POM121: variants seen among roughly 807,000 people sequenced by gnomAD.
POM121 encodes POM121 transmembrane nucleoporin.
In POM121, 32 loss-of-function variants were observed where a neutral mutation model predicts 81.3. The observed-to-expected ratio is 0.39, with a 90% confidence interval of 0.30 to 0.53. The LOEUF (loss-of-function observed/expected upper bound fraction) is 0.53. POM121 is among the 20% of genes least tolerant of loss of function. The pLI, the probability that POM121 is intolerant of heterozygous loss-of-function variation, is 0.66. For synonymous variants in POM121, 514 were observed against 694.2 expected (o/e 0.74, Z 4.08); for missense variants, 1,138 against 1,614.6 (o/e 0.70, Z 5.06).
At chr7:72,913,519 G>A (rs1794002625) in intron 3 of POM121, among the ~76,000 whole-genome samples, 1 of 152,210 alleles carries the variant, frequency 6.6e-6, no homozygotes. Context: ...GCAGGGATTG[G>A]CTGCCATTGT....
At chr7:72,909,779 C>G (rs1586112188) in intron 3 of POM121, among the ~76,000 whole-genome samples, 1 of 152,206 alleles carries the variant, frequency 6.6e-6, no homozygotes, top group East Asian at 1.9e-4. Context: ...TCCTGAGTAG[C>G]TGGGACCAGC....
At chr7:72,896,817 G>A (rs1473558838) in intron 3 of POM121, among the ~76,000 whole-genome samples, 6 of 152,206 alleles carry the variant, frequency 3.9e-5, no homozygotes, top group Admixed American at 3.9e-4. Context: ...AATATGTACT[G>A]ATCATTAACT....
intron 3 of POM121, among the ~76,000 whole-genome samples, chr7:72,902,159 C>G (rs1202924132): frequency 1.3e-5 from 2 of 151,716 alleles, no homozygotes; most frequent in African/African-American, 4.8e-5. Context: ...TTTCATCTAC[C>G]TGTCTTCATG....
chr7:72,898,301 C>G (rs1259616880), intron 3 of POM121, among the ~76,000 whole-genome samples: 2 of 152,022 alleles, frequency 1.3e-5, no homozygotes, highest in Non-Finnish European at 2.9e-5. Context: ...ACTAAGTTGC[C>G]CAGGCTGGTC....
intron 6 of POM121, 70 bp from the exon 7 acceptor site, chr7:72,939,266 G>C: frequency 6.4e-7 from 1 of 1,570,978 alleles, no homozygotes. Flanking sequence ...AGTTAGGAGG[G>C]TGTGAGAAAT....
chr7:72,912,727 C>T (rs1180515988), intron 3 of POM121, among the ~76,000 whole-genome samples: 3 of 152,044 alleles, frequency 2.0e-5, no homozygotes, highest in Non-Finnish European at 4.4e-5. Flanking sequence ...TGCAGTGAGC[C>T]GAGATCGCGC....
chr7:72,882,835 C>G (rs565066753), intron 1 of POM121, among the ~76,000 whole-genome samples: 1 of 152,304 alleles, frequency 6.6e-6, no homozygotes, highest in East Asian at 1.9e-4. Context: ...CTAAGTCAGT[C>G]AGTAAAGGTG....
rs1554502473 is a variant in POM121, at chr7:72,943,458, C to T, written c.3465C>T (p.Thr1155=). Residue 1155 remains threonine, a synonymous_variant, in exon 11 of 13, where the codon ACC becomes ACT. Coordinates refer to ENST00000434423, the MANE Select transcript of POM121 (RefSeq NM_001387691.1). ...TAGGTCAGAACGCCCTGGGCACCAC[C>T]GGCCAGAGCACACCGTTTGCCTTCA... ...GGLGQNALGT[T]GQSTPFAFNV... is the part of the protein sequence containing the mutation. 33 of 1,612,886 alleles carry T rather than the reference C, an allele frequency of 2.0e-5. No homozygotes were observed. Among genetic ancestry groups the T allele is most frequent in the South Asian group, 5.5e-5 (5 of 90,978 alleles).
intron 3 of POM121, among the ~76,000 whole-genome samples, chr7:72,927,745 A>C (rs1795607332): frequency 6.6e-6 from 1 of 152,088 alleles, no homozygotes; most frequent in African/African-American, 2.4e-5. Flanking sequence ...AGAATAAGCT[A>C]ATGAAAATGG....
intron 5 of POM121, among the ~76,000 whole-genome samples, chr7:72,938,007 C>T (rs1326216653): frequency 6.6e-6 from 1 of 152,108 alleles, no homozygotes; most frequent in African/African-American, 2.4e-5. Flanking sequence ...TTACTTCTAT[C>T]CTCTCCGTAG....
At chr7:72,928,512 G>C in intron 4 of POM121, 47 bp downstream of exon 4, 4 of 1,589,202 alleles carry the variant, frequency 2.5e-6, no homozygotes, top group Non-Finnish European at 3.5e-6. Flanking sequence ...TTGGAAAAAG[G>C]CCTGATCAGA....
intron 5 of POM121, among the ~76,000 whole-genome samples, chr7:72,933,910 G>A (rs573330034): frequency 1.3e-5 from 2 of 152,196 alleles, no homozygotes; most frequent in South Asian, 4.1e-4. Flanking sequence ...GTACTCATGA[G>A]AATGATCTCA....
chr7:72,925,304 G>A lies in POM121; in HGVS notation c.183G>A (p.Gly61=). Residue 61 remains glycine (G), a synonymous_variant, in exon 1 of 13, where the codon GGG becomes GGA. Coordinates refer to ENST00000434423, the MANE Select transcript of POM121 (RefSeq NM_001387691.1). ...AAAALAWLTV[G]ATAAWWGLSR... ...CTGCACTGGCCTGGCTGACCGTGGG[G>A]GCTACCGCGGCCTGGTGGGGACTGA... is the stretch of plus-strand genomic sequence containing the variant. The A allele has an allele frequency of 2.0e-6, 3 of 1,534,524 alleles. No homozygotes were observed. Among genetic ancestry groups the A allele is most frequent in the South Asian group, 1.2e-5 (1 of 83,958 alleles).
chr7:72,949,763 A>T (rs1275391383), downstream of POM121: 15 of 891,324 alleles, frequency 1.7e-5, no homozygotes, highest in South Asian at 1.9e-4. Context: ...GAGTTAAGCG[A>T]AAGTCATCCT....
At chr7:72,949,202 C>T (rs1797915981), downstream of POM121, 6 of 1,039,130 alleles carry the variant, frequency 5.8e-6, no homozygotes, top group African/African-American at 1.6e-5. Context: ...AACTTTTGCT[C>T]CAGGGTCCCA....
intron 10 of POM121, among the ~76,000 whole-genome samples, chr7:72,941,416 G>A (rs1319594220): frequency 6.7e-6 from 1 of 149,050 alleles, no homozygotes; most frequent in Admixed American, 6.7e-5. Flanking sequence ...GGCACTGCGC[G>A]CGCACACCTC....
At chr7:72,895,621 T>C (rs1791865938) in intron 3 of POM121, among the ~76,000 whole-genome samples, 1 of 152,204 alleles carries the variant, frequency 6.6e-6, no homozygotes, top group Non-Finnish European at 1.5e-5. Flanking sequence ...AAAGCATGGA[T>C]CTAAATATAT....
At position 72,892,734 on chromosome 7, in the gene POM121, C is replaced by T. The variant is rs554607507; in HGVS notation, c.-216+1624C>T. Among the ~76,000 whole-genome samples, 13 of 150,534 alleles carry T rather than the reference C, an allele frequency of 8.6e-5. No homozygotes were observed. In the South Asian group the frequency reaches 2.6e-3, roughly 30 times the overall value. ...AGGCTGGAGTGCAATGGCATGATCT[C>T]GGCTCACTGCAGCCTCCCCCTCCCA... is the stretch of plus-strand genomic sequence containing the variant. On this transcript the variant is annotated intron_variant, in intron 3 of 15. Coordinates refer to the POM121 transcript ENST00000395270.
At chr7:72,909,755 CCTT>C (rs1554493966) in intron 3 of POM121, among the ~76,000 whole-genome samples, 1 of 152,146 alleles carries the variant, frequency 6.6e-6, no homozygotes, top group African/African-American at 2.4e-5. Flanking sequence ...CTCAGTCACT[CCTT>C]CTTCTCAACC....
Sources: gnomAD v4.1 joint callset for allele counts (sites outside exome capture counted in the v4.1 genomes callset) on GRCh38, gnomAD v4.1.1 for gene constraint, MANE v1.5 for transcripts, NCBI Gene and HGNC (gene_info 2026-07-23, HGNC 2026-07-21) for gene names.